Variants in GRAMD2B observed in about 807,000 individuals in gnomAD.
GRAMD2B encodes GRAM domain-containing protein 2B.
GRAMD2B carries 41 observed loss-of-function variants against 59.2 expected under a neutral mutation model. The observed-to-expected ratio is 0.69, with a 90% CI of 0.54 to 0.90. The LOEUF (loss-of-function observed/expected upper bound fraction) is 0.90, where lower values mean the gene tolerates loss of function less well. Among genes scored for constraint, GRAMD2B ranks in the 40% least tolerant of loss-of-function variants. The pLI, the probability that GRAMD2B is intolerant of heterozygous loss-of-function variation, is 0.00. For synonymous variants in GRAMD2B, 161 were observed against 182.7 expected (o/e 0.88, Z 0.96); for missense variants, 424 against 500.5 (o/e 0.85, Z 1.46).
intron 1 of GRAMD2B, among the ~76,000 whole-genome samples, chr5:126,392,707 G>A (rs1225984705): frequency 1.3e-5 from 2 of 151,930 alleles, no homozygotes; most frequent in African/African-American, 4.8e-5. Flanking sequence ...TCTTTCATGG[G>A]AGGGTGAGGT....
chr5:126,393,048 C>G (rs548776294), intron 1 of GRAMD2B, among the ~76,000 whole-genome samples: 2 of 152,292 alleles, frequency 1.3e-5, no homozygotes, highest in South Asian at 2.1e-4. Context: ...TCAAAGTTCA[C>G]GCAAGAAAAT....
intron 1 of GRAMD2B, among the ~76,000 whole-genome samples, chr5:126,417,454 G>A (rs1040183691): frequency 1.1e-4 from 16 of 152,336 alleles, no homozygotes; most frequent in African/African-American, 3.8e-4. Context: ...CATCCCAGCT[G>A]AAGCACCAGA....
intron 4 of GRAMD2B, among the ~76,000 whole-genome samples, chr5:126,472,810 T>G (rs1197774844): frequency 6.6e-6 from 1 of 152,232 alleles, no homozygotes; most frequent in Non-Finnish European, 1.5e-5. Flanking sequence ...CCTCTCTTGA[T>G]GTGCAAAAGT....
intron 1 of GRAMD2B, among the ~76,000 whole-genome samples, chr5:126,451,473 G>A (rs1212801509): frequency 3.3e-5 from 5 of 152,136 alleles, no homozygotes; most frequent in South Asian, 2.1e-4. Flanking sequence ...TCTTTTGGCC[G>A]ACTTCTCCTT....
chr5:126,371,437 C>A, exon 1 of GRAMD2B: 2 of 1,285,310 alleles, frequency 1.6e-6, no homozygotes, highest in Non-Finnish European at 1.0e-6. Context: ...GGTCAATAAG[C>A]GCACAATGGT....
rs535358150 is a variant in GRAMD2B at position 126,385,809 on chromosome 5, A to C, written c.125+14242A>C. Among the ~76,000 whole-genome samples the C allele has an allele frequency of 3.9e-5, 6 of 152,330 alleles. No individual in the cohort carries two copies. In the South Asian group the frequency reaches 1.0e-3, roughly 26 times the overall value. ...GAGGGAGCAATGGGGGGTGCAACCC[A>C]GTCCATGGAGTCGTAAAGCAGCAGT... On this transcript the variant is annotated intron_variant, in intron 1 of 8. Transcript: ENST00000506445.
Position 126,448,539 on chromosome 5 carries a change from T to C in GRAMD2B, c.84-16887T>C, listed in dbSNP as rs143787006. On this transcript the variant is annotated intron_variant, in intron 1 of 13. Coordinates refer to ENST00000285689, the MANE Select transcript of GRAMD2B (RefSeq NM_023927.4). ...GGAATGATATGATCATATTTGGGCT[T>C]TACAAAGATCACAGAGCACAGTGAT... 9.8e-3 allele frequency among the ~76,000 whole-genome samples: 1,488 copies of C among 152,156 alleles called. 27 individuals carry two copies. Among genetic ancestry groups the C allele is most frequent in the African/African-American group, 0.034 (1,393 of 41,490 alleles).
chr5:126,427,373 C>T (rs1157619962), intron 1 of GRAMD2B, among the ~76,000 whole-genome samples: 1 of 107,656 alleles, frequency 9.3e-6, no homozygotes, highest in Admixed American at 1.0e-4. Context: ...AACAAGTACC[C>T]AAATACCCAA....
chr5:126,478,042 C>T (rs945692889), intron 6 of GRAMD2B, among the ~76,000 whole-genome samples: 1 of 150,690 alleles, frequency 6.6e-6, no homozygotes, highest in African/African-American at 2.4e-5. Flanking sequence ...CTTAATTATA[C>T]TTGCCTGACC....
At chr5:126,389,135 G>A (rs75066390) in intron 1 of GRAMD2B, among the ~76,000 whole-genome samples, 2,003 of 152,212 alleles carry the variant, frequency 0.013, 50 homozygotes, top group African/African-American at 0.043. Context: ...CTCTAATGTC[G>A]TCTACATAAC....
intron 1 of GRAMD2B, among the ~76,000 whole-genome samples, chr5:126,407,944 T>C (rs1758401452): frequency 6.6e-6 from 1 of 152,002 alleles, no homozygotes; most frequent in Admixed American, 6.6e-5. Flanking sequence ...AGTATCTTTT[T>C]ATTTTTTTTT....
At chr5:126,426,609 A>G (rs772293662) in intron 1 of GRAMD2B, among the ~76,000 whole-genome samples, 1 of 152,098 alleles carries the variant, frequency 6.6e-6, no homozygotes, top group Non-Finnish European at 1.5e-5. Context: ...TCCTTATTGA[A>G]TTTCTCAGAG....
chr5:126,470,128 G>T (rs1374716676), intron 3 of GRAMD2B, among the ~76,000 whole-genome samples: 1 of 152,180 alleles, frequency 6.6e-6, no homozygotes, highest in African/African-American at 2.4e-5. Context: ...TACTGAAATT[G>T]AAGAGTCTGA....
At chr5:126,401,108 T>C (rs900336239) in intron 1 of GRAMD2B, among the ~76,000 whole-genome samples, 1 of 152,040 alleles carries the variant, frequency 6.6e-6, no homozygotes, top group African/African-American at 2.4e-5. Flanking sequence ...TCTCTTAGGC[T>C]TTCTTTACTT....
chr5:126,366,311 A>G (rs867549149), intron 1 of GRAMD2B, among the ~76,000 whole-genome samples: 9 of 152,258 alleles, frequency 5.9e-5, no homozygotes, highest in Non-Finnish European at 1.3e-4. Flanking sequence ...CCATGGGCCT[A>G]GACTGTCAAT....
chr5:126,402,801 T>C (rs1757951635), intron 1 of GRAMD2B, among the ~76,000 whole-genome samples: 1 of 152,006 alleles, frequency 6.6e-6, no homozygotes, highest in African/African-American at 2.4e-5. Flanking sequence ...ATGTGTCATA[T>C]TACCTTTCTA....
At chr5:126,389,667 G>A (rs1438173228) in intron 1 of GRAMD2B, among the ~76,000 whole-genome samples, 2 of 152,102 alleles carry the variant, frequency 1.3e-5, no homozygotes, top group East Asian at 1.9e-4. Context: ...GTTAAATTGC[G>A]CTGGGCACCG....
At chr5:126,409,307 G>C (rs1758548792) in intron 1 of GRAMD2B, among the ~76,000 whole-genome samples, 1 of 152,196 alleles carries the variant, frequency 6.6e-6, no homozygotes, top group African/African-American at 2.4e-5. Context: ...CCCACCAACA[G>C]TGTAAAAGTG....
At chr5:126,434,544 G>T (rs946238845) in intron 1 of GRAMD2B, among the ~76,000 whole-genome samples, 3 of 151,170 alleles carry the variant, frequency 2.0e-5, no homozygotes, top group African/African-American at 7.3e-5. Flanking sequence ...TTGAGATGGA[G>T]TCTTACTCTG....
Sources: gnomAD v4.1 joint callset for allele counts (sites outside exome capture counted in the v4.1 genomes callset) on GRCh38, gnomAD v4.1.1 for gene constraint, MANE v1.5 for transcripts, NCBI Gene and HGNC (gene_info 2026-07-23, HGNC 2026-07-21) for gene names.